NKD2: variants seen among roughly 807,000 people sequenced by gnomAD.
NKD2 encodes the protein NKD inhibitor of Wnt signaling pathway 2, also known as protein naked cuticle homolog 2.
In NKD2, 43 loss-of-function variants were observed where a neutral mutation model predicts 34.8. That is an observed-to-expected ratio of 1.24 (90% confidence interval 0.97 to 1.60). The LOEUF (loss-of-function observed/expected upper bound fraction) is 1.60, where lower values mean the gene tolerates loss of function less well. NKD2 is among the 40% of genes most tolerant of loss of function. The pLI is 0.00. For missense variants in NKD2, 675 were observed against 627.1 expected (o/e 1.08, Z -0.82); for synonymous variants, 278 against 265.1 (o/e 1.05, Z -0.47).
chr5:1,012,288 A>G (rs1755782939), intron 3 of NKD2, among the ~76,000 whole-genome samples: 1 of 152,254 alleles, frequency 6.6e-6, no homozygotes, highest in African/African-American at 2.4e-5. Flanking sequence ...GGCTAACTCC[A>G]GAGGCAGCAT....
chr5:1,011,139 A>T (rs1755735250), intron 3 of NKD2, among the ~76,000 whole-genome samples: 1 of 152,246 alleles, frequency 6.6e-6, no homozygotes, highest in African/African-American at 2.4e-5. Context: ...CCATCATTTC[A>T]TGAAAGAAAA....
At chr5:1,029,116 C>G (rs1376452198) in intron 3 of NKD2, among the ~76,000 whole-genome samples, 1 of 122,268 alleles carries the variant, frequency 8.2e-6, no homozygotes, top group African/African-American at 2.9e-5. Flanking sequence ...GATGAAATCA[C>G]CAGCCACAGA....
rs550078185 is a variant in NKD2, at chr5:1,038,305, C to T, written c.1288C>T (p.Arg430Trp). The change falls in exon 10 of 10, where the codon CGG (arginine) becomes TGG (tryptophan). Residue 430 changes from arginine (R) to tryptophan (W), a missense_variant. Transcript: ENST00000296849. The surrounding 1 kb of genome is among the most constrained non-coding windows in gnomAD (Gnocchi z 4.5). ...GGGCTACGCGGTGCCAGTGATCCAG[C>T]GGCACGAGCACCACCACCACCACGA... ...GEGYAVPVIQ[R>W]HEHHHHHEHH... The T allele has an allele frequency of 1.3e-4, 199 of 1,545,822 alleles. No individual in the cohort carries two copies. Among genetic ancestry groups the T allele is most frequent in the South Asian group, 9.5e-4 (80 of 84,642 alleles).
intron 3 of NKD2, among the ~76,000 whole-genome samples, chr5:1,013,619 G>T (rs1755840907): frequency 6.6e-6 from 1 of 152,148 alleles, no homozygotes; most frequent in African/African-American, 2.4e-5. Context: ...TGGGCCCACT[G>T]AGGGCTGTGT....
In NKD2 at chr5:1,037,892, A is replaced by G. The variant is rs745647309; in HGVS notation, c.875A>G (p.His292Arg). The change falls in exon 10 of 10, where the codon CAT becomes CGT. Residue 292 changes from histidine to arginine, a missense_variant. By Grantham distance (29) the His-to-Arg change is conservative (BLOSUM62 0). Transcript: ENST00000296849. The stretch of plus-strand genomic sequence containing the variant: ...TCCCGCTCCCAGGAGCCAGATACAC[A>G]TGCCGTACACCACCGCAGGTCACAG... ...ARSRSQEPDT[H>R]AVHHRRSQVL... is the part of the protein sequence containing the mutation. The G allele has an allele frequency of 6.2e-6, 10 of 1,606,034 alleles. No individual in the cohort carries two copies. The highest frequency in any genetic ancestry group is 4.0e-5 in the African/African-American group (3 of 74,872).
At position 1,036,242 on chromosome 5, in the gene NKD2, C is replaced by A; in HGVS notation, c.660-15C>A. 6.3e-7 allele frequency: 1 copy of A among 1,581,496 alleles called. No individual in the cohort carries two copies. Among genetic ancestry groups the A allele is most frequent in the Non-Finnish European group, 8.6e-7 (1 of 1,163,022 alleles). On this transcript the variant is annotated splice_polypyrimidine_tract_variant and intron_variant, in intron 8 of 9. Transcript: ENST00000296849. ...GTCTGTGCGGGGGTCAGGCCCTTCT[C>A]TGTGCTCCAAGCAGGAGGCCCAGTA...
At chr5:1,035,971 A>G (rs868825889) in intron 8 of NKD2, 69 of 462,640 alleles carry the variant, frequency 1.5e-4, no homozygotes, top group African/African-American at 1.3e-3. Flanking sequence ...GTGGTCCCAG[A>G]GTGGTGATCA....
Position 1,032,183 on chromosome 5 carries a change from C to T in NKD2, c.173C>T (p.Pro58Leu), listed in dbSNP as rs1468962900. 6.2e-7 allele frequency: 1 copy of T among 1,610,014 alleles called. No individual in the cohort carries two copies. Among genetic ancestry groups the T allele is most frequent in the Non-Finnish European group, 8.5e-7 (1 of 1,178,918 alleles). Residue 58 changes from proline (P) to leucine (L), a missense_variant, in exon 4 of 10, where the codon CCT becomes CTT. Pro to Leu is a moderately conservative substitution (Grantham distance 98). Coordinates refer to ENST00000296849, the MANE Select transcript of NKD2 (RefSeq NM_033120.4). ...CCCAATGGGGACCCCAAGGAGGGGC[C>T]TTTCCGGGAGGACCAGTGTCCCCTA... Reference protein sequence around the residue: ...ELPNGDPKEGPFREDQCPLQV... With the variant: ...ELPNGDPKEGLFREDQCPLQV...
chr5:1,034,033 C>A (rs971715599), intron 5 of NKD2: 1 of 592,042 alleles, frequency 1.7e-6, no homozygotes, highest in Non-Finnish European at 3.0e-6. Context: ...AAGCTGGGTC[C>A]CCCCAAGAAG....
Position 1,009,509 on chromosome 5 carries a change from G to T in NKD2, c.90G>T (p.Ala30=), listed in dbSNP as rs1358935547. The part of the protein sequence containing the change: ...EGDSFVASAY[A]SGRKGAEEAE... ...ACAGCTTCGTGGCGTCCGCGTACGC[G>T]AGCGGCCGCAAAGGCGCGGAGGAAG... The change falls in exon 3 of 10, where the codon GCG becomes GCT. Residue 30 remains alanine, a synonymous_variant. Coordinates refer to ENST00000296849, the MANE Select transcript of NKD2 (RefSeq NM_033120.4). This position sits in a 1 kb window ranked among gnomAD's most constrained non-coding sequence, Gnocchi z 6.9. The T allele has an allele frequency of 3.3e-6, 5 of 1,497,452 alleles. No homozygotes were observed. Among genetic ancestry groups the T allele is most frequent in the South Asian group, 2.5e-5 (2 of 80,126 alleles). 92.8% of individuals were successfully genotyped at this position (1,497,452 alleles called of 1,614,324 possible).
Position 1,038,479 on chromosome 5 carries a change from C to G in NKD2, c.*106C>G, listed in dbSNP as rs931982936. On this transcript the variant is annotated 3_prime_UTR_variant, in exon 10 of 10. Coordinates refer to ENST00000296849, the MANE Select transcript of NKD2 (RefSeq NM_033120.4). This position sits in a 1 kb window ranked among gnomAD's most constrained non-coding sequence, Gnocchi z 4.5. ...GTGCCCATGGGGAGCCCAGCCCCCA[C>G]CCCCCACCTCCGACAGCAAACAGCA... 2 of 1,526,916 alleles carry G rather than the reference C, an allele frequency of 1.3e-6. No homozygotes were observed. Among genetic ancestry groups the G allele is most frequent in the Non-Finnish European group, 1.8e-6 (2 of 1,140,262 alleles). 94.6% of individuals were successfully genotyped at this position (1,526,916 alleles called of 1,614,324 possible).
Position 1,038,472 on chromosome 5 carries a change from G to GCCCCCACCCCCCAC in NKD2, c.*101_*114dup, listed in dbSNP as rs3840988. 1.1e-5 allele frequency: 17 copies of GCCCCCACCCCCCAC among 1,531,706 alleles called. No individual in the cohort carries two copies. In the African/African-American group the frequency reaches 1.8e-4, roughly 16 times the overall value. The allele number at this position is 1,531,706 out of a possible 1,614,324, so 94.9% of individuals were successfully genotyped here. On this transcript the variant is annotated 3_prime_UTR_variant, in exon 10 of 10. Transcript: ENST00000296849. This position sits in a 1 kb window ranked among gnomAD's most constrained non-coding sequence, Gnocchi z 4.5. ...CGGCTGTGTGCCCATGGGGAGCCCA[G>GCCCCCACCCCCCAC]CCCCCACCCCCCACCTCCGACAGCA... is the stretch of plus-strand genomic sequence containing the variant.
chr5:1,018,123 G>A (rs1376833161), intron 3 of NKD2, among the ~76,000 whole-genome samples: 6 of 152,142 alleles, frequency 3.9e-5, no homozygotes, highest in African/African-American at 1.2e-4. Context: ...GAGACACAGC[G>A]GAGGAAGAAG....
chr5:1,021,760 C>A (rs910669384), intron 3 of NKD2, among the ~76,000 whole-genome samples: 1 of 152,114 alleles, frequency 6.6e-6, no homozygotes, highest in South Asian at 2.1e-4. Flanking sequence ...AAAACACTCT[C>A]TTCCGCAGAC....
In NKD2 at chr5:1,009,164, C is replaced by A; in HGVS notation, c.26-15C>A. On this transcript the variant is annotated splice_polypyrimidine_tract_variant and intron_variant, in intron 1 of 9. Transcript: ENST00000296849. The surrounding 1 kb of genome is among the most constrained non-coding windows in gnomAD (Gnocchi z 6.9). ...CACTGTCGTTTTCCTCTCCCCGCGTCCCGCCGTGCCGCAGCCGCCGCCGCC... is the reference window on the plus strand; with the variant it reads ...CACTGTCGTTTTCCTCTCCCCGCGTACCGCCGTGCCGCAGCCGCCGCCGCC... 2 of 561,708 alleles carry A rather than the reference C, an allele frequency of 3.6e-6. No homozygotes were observed. The highest frequency in any genetic ancestry group is 4.2e-5 in the South Asian group (2 of 47,750). The allele number at this position is 561,708 out of a possible 1,614,324, so 34.8% of individuals were successfully genotyped here.
intron 7 of NKD2, 104 bp downstream of exon 7, chr5:1,035,007 A>G (rs1733786723): frequency 4.5e-6 from 5 of 1,117,186 alleles, no homozygotes; most frequent in Non-Finnish European, 6.3e-6. Flanking sequence ...TGGAGGAGTG[A>G]GTGGGTGAAT....
chr5:1,009,107 G>A lies in NKD2; in HGVS notation c.25+25G>A. ...GGTGAGCCGCGGGCCGGTAGGGCGG[G>A]AGGGCGGGCGGGCGGGCGTGGGGCC... On this transcript the variant is annotated intron_variant, in intron 1 of 9. Transcript: ENST00000296849. The surrounding 1 kb of genome is among the most constrained non-coding windows in gnomAD (Gnocchi z 6.9). 2 of 460,488 alleles carry A rather than the reference G, an allele frequency of 4.3e-6. No individual in the cohort carries two copies. Among genetic ancestry groups the A allele is most frequent in the Non-Finnish European group, 7.7e-6 (2 of 260,082 alleles). 28.5% of individuals were successfully genotyped at this position (460,488 alleles called of 1,614,324 possible).
At chr5:1,037,344 C>A (rs190675079) in intron 9 of NKD2, among the ~76,000 whole-genome samples, 1 of 152,134 alleles carries the variant, frequency 6.6e-6, no homozygotes, top group Admixed American at 6.5e-5. Context: ...TGACCCTGCC[C>A]TCCTTGGCCG....
chr5:1,027,817 C>T (rs1756482006), intron 3 of NKD2, among the ~76,000 whole-genome samples: 1 of 152,188 alleles, frequency 6.6e-6, no homozygotes, highest in Admixed American at 6.5e-5. Context: ...GCCGTGCCCA[C>T]CTGTCCACTG....
Sources: allele counts gnomAD v4.1 joint callset (sites outside exome capture counted in the v4.1 genomes callset), GRCh38; gene constraint gnomAD v4.1.1; non-coding constraint Gnocchi (gnomAD v3.1); transcripts MANE v1.5; gene names NCBI Gene and HGNC (gene_info 2026-07-23, HGNC 2026-07-21).